The following AK9 variants were observed in gnomAD, a reference collection of about 807,000 sequenced individuals.
AK9 encodes the protein adenylate kinase 9, also known as adenylate kinase domain containing 1.
Under a neutral mutation model 239.6 loss-of-function variants are expected in AK9, and 191 were observed. The ratio of observed to expected loss-of-function variants is 0.80; its 90% CI spans 0.71 to 0.90. The LOEUF is 0.90. Among genes scored for constraint, AK9 ranks in the 40% least tolerant of loss-of-function variants. AK9 has a pLI of 0.00. For missense variants in AK9, 1,995 were observed against 2,214.7 expected (o/e 0.90, Z 1.99); for synonymous variants, 689 against 721.0 (o/e 0.96, Z 0.71).
rs534081501 is a variant in AK9 at position 109,558,919 on chromosome 6, G to A, written c.2751+4678C>T. Among the ~76,000 whole-genome samples, 6 of 151,342 alleles carry A rather than the reference G, an allele frequency of 4.0e-5. 1 individual carries two copies. The South Asian group carries it at 1.0e-3, about 26-fold the overall frequency. Reference sequence around the variant, plus strand: ...TGCTCTGTCGCCTAGGCTGGGGTGCGGTGGCACAATCTTGGCTCACTGCCC... The same window carrying A: ...TGCTCTGTCGCCTAGGCTGGGGTGCAGTGGCACAATCTTGGCTCACTGCCC... On this transcript the variant is annotated intron_variant, in intron 24 of 40. Transcript: ENST00000424296.
At chr6:109,541,657 G>A (rs1056902561) in intron 27 of AK9, among the ~76,000 whole-genome samples, 35 of 152,196 alleles carry the variant, frequency 2.3e-4, no homozygotes, top group African/African-American at 5.8e-4. Context: ...TGATCCACCC[G>A]CCTTGGCCTC....
intron 19 of AK9, 72 bp from the exon 20 acceptor site, chr6:109,579,698 C>A: frequency 8.1e-7 from 1 of 1,233,304 alleles, no homozygotes; most frequent in Admixed American, 2.7e-5. Context: ...GGATTAAATG[C>A]TTATAGTGTT....
chr6:109,677,682 G>A (rs952946686), intron 1 of AK9, among the ~76,000 whole-genome samples: 2 of 151,966 alleles, frequency 1.3e-5, no homozygotes, highest in Non-Finnish European at 2.9e-5. Flanking sequence ...AACTATCAAA[G>A]GTCAACAGAA....
chr6:109,627,129 T>G (rs1795617483), intron 12 of AK9, among the ~76,000 whole-genome samples: 1 of 141,566 alleles, frequency 7.1e-6, no homozygotes, highest in Non-Finnish European at 1.5e-5. Flanking sequence ...TTTCGATGTT[T>G]AAGCTTTTTT....
chr6:109,589,983 G>A (rs1461222676), intron 17 of AK9, among the ~76,000 whole-genome samples: 2 of 152,024 alleles, frequency 1.3e-5, no homozygotes, highest in African/African-American at 4.8e-5. Flanking sequence ...TTTTTTTGAG[G>A]ACATCTGCAT....
chr6:109,529,168 T>C, intron 28 of AK9, 95 bp from the exon 29 acceptor site: 1 of 1,363,978 alleles, frequency 7.3e-7, no homozygotes, highest in Non-Finnish European at 9.8e-7. Context: ...AGGAATAACG[T>C]TTGGGCAGAA....
In AK9 at chr6:109,497,511, G is replaced by T. The variant is rs775310575; in HGVS notation, c.5269C>A (p.Arg1757Ser). 2 of 1,609,414 alleles carry T rather than the reference G, an allele frequency of 1.2e-6. No homozygotes were observed. Among genetic ancestry groups the T allele is most frequent in the Non-Finnish European group, 1.7e-6 (2 of 1,176,206 alleles). The change falls in exon 38 of 41, where the codon CGT becomes AGT. Residue 1757 changes from arginine (R) to serine (S), a missense_variant. Physicochemically the swap from Arg to Ser is moderately radical, Grantham distance 110. This residue lies in a region of AK9 where 391 missense variants were observed against 456.0 expected (regional missense o/e 0.86). Transcript: ENST00000424296. ...TCTTTGTTCTCACAAATATATATACGATTATGATATTCTAAAGCATAGTTA... is the reference window on the plus strand; with the variant it reads ...TCTTTGTTCTCACAAATATATATACTATTATGATATTCTAAAGCATAGTTA... The part of the protein sequence containing the change: ...SINYALEYHN[R>S]IYICENKEKL...
intron 1 of AK9, chr6:109,690,537 G>A (rs1215995692): frequency 1.3e-5 from 2 of 151,956 alleles, no homozygotes; most frequent in Admixed American, 6.6e-5. Flanking sequence ...GCTGTCGGGC[G>A]GTTGCCGGGG....
intron 35 of AK9, among the ~76,000 whole-genome samples, chr6:109,503,393 G>T (rs1336567529): frequency 6.6e-6 from 1 of 151,888 alleles, no homozygotes; most frequent in Non-Finnish European, 1.5e-5. Context: ...TCTAATTATT[G>T]GGATATTCTG....
At position 109,586,107 on chromosome 6, in the gene AK9, G is replaced by A; in HGVS notation, c.1843-35C>T. 4 of 1,501,630 alleles carry A rather than the reference G, an allele frequency of 2.7e-6. No homozygotes were observed. In the South Asian group the frequency reaches 4.0e-5, roughly 15 times the overall value. The allele number at this position is 1,501,630 out of a possible 1,614,324, so 93.0% of individuals were successfully genotyped here. On this transcript the variant is annotated intron_variant, in intron 17 of 40. Coordinates refer to ENST00000424296, the MANE Select transcript of AK9 (RefSeq NM_001145128.3). ...ATTGTACACTGATATTACTATCATAGCTTGACAAGTCAAGGATGCAACCTT... is the reference window on the plus strand; with the variant it reads ...ATTGTACACTGATATTACTATCATAACTTGACAAGTCAAGGATGCAACCTT...
intron 29 of AK9, among the ~76,000 whole-genome samples, chr6:109,522,233 T>C (rs1217577252): frequency 6.6e-6 from 1 of 152,082 alleles, no homozygotes; most frequent in Admixed American, 6.6e-5. Context: ...CAATCTCAAA[T>C]TTCATAAGGA....
chr6:109,649,492 G>A (rs374231487), intron 8 of AK9, among the ~76,000 whole-genome samples: 1,761 of 151,692 alleles, frequency 0.012, 30 homozygotes, highest in African/African-American at 0.039. Context: ...CAATTGCTTC[G>A]AAGAGAATAA....
At chr6:109,536,281 G>C (rs1244356689) in intron 27 of AK9, among the ~76,000 whole-genome samples, 1 of 151,960 alleles carries the variant, frequency 6.6e-6, no homozygotes, top group African/African-American at 2.4e-5. Context: ...CTTTTATTTA[G>C]TTGAGCAGTG....
intron 32 of AK9, among the ~76,000 whole-genome samples, chr6:109,510,614 C>T (rs77149091): frequency 6.6e-6 from 1 of 152,136 alleles, no homozygotes; most frequent in African/African-American, 2.4e-5. Flanking sequence ...GAACACTGGA[C>T]AGATGACCTG....
Position 109,550,118 on chromosome 6 carries a change from T to C in AK9, c.2936A>G (p.Asp979Gly), listed in dbSNP as rs146551987. The change falls in exon 25 of 41, where the codon GAT (aspartate) becomes GGT (glycine). Residue 979 changes from aspartate to glycine, a missense_variant. Physicochemically the swap from Asp to Gly is moderately conservative, Grantham distance 94. Transcript: ENST00000424296. ...AKEKFLEHPE[D>G]YVAHEEPLKA... ...CAATGGTTCTTCATGAGCCACATAATCCTCAGGATGCTCCAAAAACTTTTC... is the reference window on the plus strand; with the variant it reads ...CAATGGTTCTTCATGAGCCACATAACCCTCAGGATGCTCCAAAAACTTTTC... 9 of 1,613,832 alleles carry C rather than the reference T, an allele frequency of 5.6e-6. No homozygotes were observed. In the Admixed American group the frequency reaches 8.3e-5, roughly 15 times the overall value.
chr6:109,498,475 G>T (rs1222872215), intron 36 of AK9, among the ~76,000 whole-genome samples: 1 of 152,130 alleles, frequency 6.6e-6, no homozygotes, highest in Non-Finnish European at 1.5e-5. Context: ...AATTCTGCAA[G>T]GAAATAAAAT....
At chr6:109,593,022 A>C (rs1790495840) in intron 17 of AK9, among the ~76,000 whole-genome samples, 1 of 152,050 alleles carries the variant, frequency 6.6e-6, no homozygotes, top group South Asian at 2.1e-4. Context: ...AGGTTGGGAC[A>C]CTATATATAA....
chr6:109,555,663 A>T lies in AK9; in HGVS notation c.2752-5361T>A, dbSNP rs143902012. On this transcript the variant is annotated intron_variant, in intron 24 of 40. Transcript: ENST00000424296. ...TTCTAAGTCTCTTTGTAGGTCTCTA[A>T]GAACTTGTTTTATGAATCTGGCTGC... 2.6e-5 allele frequency among the ~76,000 whole-genome samples: 4 copies of T among 152,300 alleles called. No homozygotes were observed. In the East Asian group the frequency reaches 7.7e-4, roughly 29 times the overall value.
chr6:109,667,733 C>T (rs1801431769), intron 5 of AK9, among the ~76,000 whole-genome samples: 1 of 152,208 alleles, frequency 6.6e-6, no homozygotes. Context: ...GACATGAACT[C>T]ATCATTTTTT....
Sources: gnomAD v4.1 joint callset for allele counts (sites outside exome capture counted in the v4.1 genomes callset) on GRCh38, gnomAD v4.1.1 for gene constraint, gnomAD v4.1.1 regional missense constraint, MANE v1.5 for transcripts, NCBI Gene and HGNC (gene_info 2026-07-23, HGNC 2026-07-21) for gene names.